Variants in CCSER2 observed in about 807,000 individuals in gnomAD.
The protein encoded by CCSER2 is coiled-coil serine rich protein 2.
Under a neutral mutation model 92.3 loss-of-function variants are expected in CCSER2, and 46 were observed. The observed-to-expected ratio is 0.50, with a 90% confidence interval of 0.39 to 0.64. The LOEUF is 0.64. CCSER2 is among the 30% of genes least tolerant of loss of function. The pLI, the probability that CCSER2 is intolerant of heterozygous loss-of-function variation, is 0.00. For synonymous variants in CCSER2, 433 were observed against 431.4 expected, an observed-to-expected ratio of 1.00 and a Z score of -0.04; for missense variants, 1,244 against 1,238.9, an observed-to-expected ratio of 1.00 and a Z score of -0.06.
chr10:84,512,478 C>T (rs116330497), intron 9 of CCSER2, among the ~76,000 whole-genome samples: 182 of 151,082 alleles, frequency 1.2e-3, no homozygotes, highest in African/African-American at 4.4e-3. Flanking sequence ...TTGGCCCTGC[C>T]CATATATTTT....
chr10:84,470,419 G>A lies in CCSER2; in HGVS notation c.2196G>A (p.Lys732=). 1 of 1,396,570 alleles carries A rather than the reference G, an allele frequency of 7.2e-7. No homozygotes were observed. The highest frequency in any genetic ancestry group is 1.5e-5 in the African/African-American group (1 of 67,446). The allele number at this position is 1,396,570 out of a possible 1,614,324, so 86.5% of individuals were successfully genotyped here. A position where few individuals can be genotyped will look rare whatever the true frequency, so the allele number is the denominator to read the frequency against. ...TAAAACAACTTAAAGACGAAATAAA[G>A]AAAAAAGATGAAAAGATCCAACTAT... is the stretch of plus-strand genomic sequence containing the variant. ...NEIKQLKDEI[K]KKDEKIQLLE... The change falls in exon 8 of 10, where the codon AAG becomes AAA. Residue 732 remains lysine, a synonymous_variant. Transcript: ENST00000372088.
chr10:84,492,634 T>C (rs1166749350), intron 9 of CCSER2, among the ~76,000 whole-genome samples: 1 of 152,220 alleles, frequency 6.6e-6, no homozygotes, highest in Non-Finnish European at 1.5e-5. Context: ...CAAGTTGAAG[T>C]AGTTTCCCTC....
At position 84,417,851 on chromosome 10, in the gene CCSER2, T is replaced by A; in HGVS notation, c.1695T>A (p.Pro565=). ...MLDVDLPEDA[P]LENVECDNMN... is the part of the protein sequence containing the mutation. Reference sequence around the variant, plus strand: ...ATGTGGATCTGCCTGAGGATGCACCTCTTGAAAATGGTAAGTTGAGACAAT... The same window carrying A: ...ATGTGGATCTGCCTGAGGATGCACCACTTGAAAATGGTAAGTTGAGACAAT... Residue 565 remains proline, a synonymous_variant, in exon 4 of 10, where the codon CCT becomes CCA. Transcript: ENST00000372088. The A allele has an allele frequency of 6.5e-7, 1 of 1,550,118 alleles. No homozygotes were observed. Among genetic ancestry groups the A allele is most frequent in the Non-Finnish European group, 8.9e-7 (1 of 1,121,796 alleles).
intron 1 of CCSER2, among the ~76,000 whole-genome samples, chr10:84,332,270 A>G (rs964438833): frequency 6.6e-6 from 1 of 151,428 alleles, no homozygotes; most frequent in Non-Finnish European, 1.5e-5. Context: ...TTATTTGTCC[A>G]TCGTCCATAA....
intron 1 of CCSER2, among the ~76,000 whole-genome samples, chr10:84,357,631 T>C (rs563597707): frequency 2.0e-4 from 30 of 152,246 alleles, no homozygotes; most frequent in African/African-American, 6.7e-4. Context: ...TTTGTGTTTT[T>C]AGTAGAGACG....
chr10:84,353,715 T>C (rs761377929), intron 1 of CCSER2, among the ~76,000 whole-genome samples: 6 of 152,154 alleles, frequency 3.9e-5, no homozygotes, highest in Non-Finnish European at 8.8e-5. Flanking sequence ...TAGCTGTAAA[T>C]CAGAACTTCT....
intron 9 of CCSER2, among the ~76,000 whole-genome samples, chr10:84,489,917 T>C (rs1848050893): frequency 6.6e-6 from 1 of 152,206 alleles, no homozygotes; most frequent in Non-Finnish European, 1.5e-5. Context: ...CTTCAGGAGC[T>C]CTTTTAGGGC....
intron 1 of CCSER2, among the ~76,000 whole-genome samples, chr10:84,332,436 A>ATATTTTTTT (rs1401635246): frequency 2.2e-4 from 12 of 55,204 alleles, no homozygotes; most frequent in East Asian, 1.3e-3. Flanking sequence ...ATATATATAT[A>ATATTTTTTT]TTTTTTTTTT....
At chr10:84,494,811 G>A (rs1460311244) in intron 9 of CCSER2, among the ~76,000 whole-genome samples, 5 of 152,158 alleles carry the variant, frequency 3.3e-5, no homozygotes, top group African/African-American at 7.2e-5. Flanking sequence ...TTCATGGTTC[G>A]TTATGGAATA....
At chr10:84,384,060 G>T (rs1344746606) in intron 3 of CCSER2, among the ~76,000 whole-genome samples, 1 of 152,066 alleles carries the variant, frequency 6.6e-6, no homozygotes, top group Admixed American at 6.5e-5. Context: ...ATAAATTCCT[G>T]CAAACATAAC....
intron 6 of CCSER2, among the ~76,000 whole-genome samples, chr10:84,457,566 ATTT>A (rs1845817528): frequency 8.7e-6 from 1 of 114,350 alleles, no homozygotes; most frequent in Non-Finnish European, 1.6e-5. Context: ...TTATATATAA[ATTT>A]ATATTTATAT....
At position 84,515,266 on chromosome 10, in the gene CCSER2, G is replaced by T. The variant is rs996828913; in HGVS notation, c.*999G>T. The T allele has an allele frequency of 6.6e-6, 1 of 152,430 alleles. No individual in the cohort carries two copies. The highest frequency in any genetic ancestry group is 1.5e-5 in the Non-Finnish European group (1 of 68,008). 9.4% of individuals were successfully genotyped at this position (152,430 alleles called of 1,614,324 possible). ...AACATTTGCACAAAACTTTGATGGG[G>T]TATAAATATACCATATATAGGGATT... is the stretch of plus-strand genomic sequence containing the variant. On this transcript the variant is annotated 3_prime_UTR_variant, in exon 10 of 10. Coordinates refer to ENST00000372088, the MANE Select transcript of CCSER2 (RefSeq NM_001284240.2).
intron 9 of CCSER2, chr10:84,499,770 C>T: frequency 9.2e-7 from 1 of 1,083,354 alleles, no homozygotes; most frequent in Non-Finnish European, 1.4e-6. Context: ...CTCGTTAACA[C>T]TATTGCTCTG....
At chr10:84,344,200 A>C (rs1844357553) in intron 1 of CCSER2, among the ~76,000 whole-genome samples, 1 of 152,208 alleles carries the variant, frequency 6.6e-6, no homozygotes, top group Non-Finnish European at 1.5e-5. Flanking sequence ...AGTAGATCTT[A>C]GATAGGATTT....
rs1843478528 is a variant in CCSER2 at position 84,427,146 on chromosome 10, T to G, written c.1868+1253T>G. ...TGGTGTGGATCATCCACATGAGTGATTCTTACTGAGGAGGGAAAAATGCAC... is the reference window on the plus strand; with the variant it reads ...TGGTGTGGATCATCCACATGAGTGAGTCTTACTGAGGAGGGAAAAATGCAC... On this transcript the variant is annotated intron_variant, in intron 5 of 9. Transcript: ENST00000372088. 2.0e-5 allele frequency among the ~76,000 whole-genome samples: 3 copies of G among 152,242 alleles called. No individual in the cohort carries two copies. The South Asian group carries it at 6.2e-4, about 32-fold the overall frequency.
Position 84,488,732 on chromosome 10 carries a change from A to G in CCSER2, c.2325+11068A>G, listed in dbSNP as rs185584933. ...TTCTTTTGAAGGATTTTTTGTGTCTATTTCCTTCAGTTCTGCTCTGATCTT... is the reference window on the plus strand; with the variant it reads ...TTCTTTTGAAGGATTTTTTGTGTCTGTTTCCTTCAGTTCTGCTCTGATCTT... On this transcript the variant is annotated intron_variant, in intron 9 of 9. Transcript: ENST00000372088. Among the ~76,000 whole-genome samples, 129 of 151,928 alleles carry G rather than the reference A, an allele frequency of 8.5e-4. 1 individual carries two copies. The East Asian group carries it at 8.9e-3, about 10-fold the overall frequency.
chr10:84,502,561 C>T (rs1848819900), intron 9 of CCSER2, among the ~76,000 whole-genome samples: 2 of 151,794 alleles, frequency 1.3e-5, no homozygotes, highest in Admixed American at 1.3e-4. Flanking sequence ...TTAGTAGAGA[C>T]GAGGTTTCAC....
chr10:84,407,975 C>T (rs1347841738), intron 3 of CCSER2, among the ~76,000 whole-genome samples: 4 of 151,432 alleles, frequency 2.6e-5, no homozygotes, highest in African/African-American at 7.3e-5. Flanking sequence ...AGGGGAGGGG[C>T]GGGTGGCACT....
rs138967936 is a variant in CCSER2, at chr10:84,391,405, G to C, written c.1614+17590G>C. The C allele has an allele frequency of 4.4e-4, 664 of 1,503,984 alleles. 5 individuals carry two copies. In the African/African-American group the frequency reaches 7.9e-3, roughly 18 times the overall value. 93.2% of individuals were successfully genotyped at this position (1,503,984 alleles called of 1,614,324 possible). ...TAACACTAATGCATCAGTGGATGCA[G>C]GATAAAATGCTAGAAGTTCGACAGA... On this transcript the variant is annotated intron_variant, in intron 3 of 9. Transcript: ENST00000372088.
Sources: allele counts gnomAD v4.1 joint callset (sites outside exome capture counted in the v4.1 genomes callset), GRCh38; gene constraint gnomAD v4.1.1; transcripts MANE v1.5; gene names NCBI Gene and HGNC (gene_info 2026-07-23, HGNC 2026-07-21).